PAX7: variants seen among roughly 807,000 people sequenced by gnomAD.
The protein encoded by PAX7 is paired box 7.
Under a neutral mutation model 50.7 loss-of-function variants are expected in PAX7, and 18 were observed. The ratio of observed to expected loss-of-function variants is 0.36; its 90% CI spans 0.25 to 0.53. The LOEUF (loss-of-function observed/expected upper bound fraction) is 0.53. PAX7 is among the 20% of genes least tolerant of loss of function. The pLI, the probability that PAX7 is intolerant of heterozygous loss-of-function variation, is 0.93. For synonymous variants in PAX7, 310 were observed against 290.4 expected (o/e 1.07, Z -0.69); for missense variants, 644 against 702.9 (o/e 0.92, Z 0.95).
chr1:18,672,335 T>C (rs563898436), intron 4 of PAX7, among the ~76,000 whole-genome samples: 74 of 152,140 alleles, frequency 4.9e-4, no homozygotes, highest in Non-Finnish European at 8.7e-4. Flanking sequence ...CCTTCCCCCA[T>C]CTCTTACAGA....
chr1:18,744,696 GGAT>G, intron 8 of PAX7, 115 bp from the exon 9 acceptor site: 1 of 379,658 alleles, frequency 2.6e-6, no homozygotes, highest in Non-Finnish European at 4.6e-6. Context: ...ATAAATGGAT[GGAT>G]GGATGGATGG....
chr1:18,651,807 C>A (rs2088435524), intron 4 of PAX7, among the ~76,000 whole-genome samples: 1 of 142,354 alleles, frequency 7.0e-6, no homozygotes, highest in Non-Finnish European at 1.5e-5. Context: ...CACCCCTCCC[C>A]CTCTCCCCTC....
Position 18,700,678 on chromosome 1 carries a change from G to A in PAX7, c.812G>A (p.Arg271His), listed in dbSNP as rs746781983. 1.1e-5 allele frequency: 18 copies of A among 1,581,052 alleles called. No individual in the cohort carries two copies. The highest frequency in any genetic ancestry group is 1.4e-5 in the African/African-American group (1 of 72,736). Residue 271 changes from arginine to histidine, a missense_variant, in exon 6 of 9, where the codon CGT (arginine) becomes CAT (histidine). Coordinates refer to ENST00000420770, the MANE Select transcript of PAX7 (RefSeq NM_001135254.2). This position sits in a 1 kb window ranked among gnomAD's most constrained non-coding sequence, Gnocchi z 4.8. ...GTCTGGTTCAGTAACCGCCGCGCCC[G>A]TTGGCGTAAGCAGGCAGGAGCCAAC... ...VQVWFSNRRA[R>H]WRKQAGANQL...
intron 8 of PAX7, among the ~76,000 whole-genome samples, chr1:18,740,662 TA>T (rs1931086103): frequency 6.6e-6 from 1 of 152,120 alleles, no homozygotes; most frequent in Non-Finnish European, 1.5e-5. Flanking sequence ...ATCAAAAGGA[TA>T]GGAATCAGTG....
At chr1:18,681,845 G>A (rs1276252478) in intron 4 of PAX7, among the ~76,000 whole-genome samples, 4 of 151,774 alleles carry the variant, frequency 2.6e-5, no homozygotes, top group East Asian at 1.9e-4. Flanking sequence ...TCTGCCTCAC[G>A]GGTTCAAGTG....
chr1:18,718,120 G>A (rs1373442678), intron 7 of PAX7, among the ~76,000 whole-genome samples: 1 of 152,224 alleles, frequency 6.6e-6, no homozygotes, highest in African/African-American at 2.4e-5. Flanking sequence ...CCTCCATGGG[G>A]GTGTCAGGGA....
chr1:18,694,822 G>A (rs2089129965), intron 5 of PAX7, among the ~76,000 whole-genome samples: 1 of 152,162 alleles, frequency 6.6e-6, no homozygotes, highest in African/African-American at 2.4e-5. Context: ...GACAATCAGG[G>A]ATGCTTTGTG....
At chr1:18,690,146 G>C (rs2089046225) in intron 4 of PAX7, among the ~76,000 whole-genome samples, 1 of 152,182 alleles carries the variant, frequency 6.6e-6, no homozygotes. Context: ...TGCATACCTA[G>C]CCTCTTCAGG....
chr1:18,667,751 T>C (rs1257785093), intron 4 of PAX7, among the ~76,000 whole-genome samples: 1 of 152,088 alleles, frequency 6.6e-6, no homozygotes, highest in Non-Finnish European at 1.5e-5. Flanking sequence ...ACCCAGGAAC[T>C]CTGGCCCACC....
At chr1:18,665,081 G>A (rs1474512561) in intron 4 of PAX7, among the ~76,000 whole-genome samples, 1 of 152,174 alleles carries the variant, frequency 6.6e-6, no homozygotes, top group African/African-American at 2.4e-5. Context: ...CCATTACAGG[G>A]TGGTTGAGTG....
At chr1:18,697,971 T>A (rs1356282789) in intron 5 of PAX7, among the ~76,000 whole-genome samples, 3 of 151,218 alleles carry the variant, frequency 2.0e-5, no homozygotes, top group Non-Finnish European at 2.9e-5. Flanking sequence ...AAGGTGGGAA[T>A]AAAGAAGGAA....
chr1:18,705,951 C>G (rs2089278165), intron 7 of PAX7, among the ~76,000 whole-genome samples: 1 of 152,160 alleles, frequency 6.6e-6, no homozygotes, highest in Admixed American at 6.5e-5. Flanking sequence ...AGGAGGTGAA[C>G]AGCTGCTGGA....
chr1:18,727,932 C>T (rs1283069278), intron 7 of PAX7, among the ~76,000 whole-genome samples: 2 of 151,886 alleles, frequency 1.3e-5, no homozygotes, highest in Non-Finnish European at 2.9e-5. Flanking sequence ...AGCTCCAAGT[C>T]AGCACCCGAA....
chr1:18,634,269 C>A lies in PAX7; in HGVS notation c.86-34C>A. The A allele has an allele frequency of 1.3e-6, 2 of 1,561,588 alleles. No individual in the cohort carries two copies. Among genetic ancestry groups the A allele is most frequent in the Non-Finnish European group, 1.8e-6 (2 of 1,137,744 alleles). ...TCTGCTCTCCATCCTCACCCTGCACCTCTCTCCTTCTGCATCTCCCCTCCC... is the reference window on the plus strand; with the variant it reads ...TCTGCTCTCCATCCTCACCCTGCACATCTCTCCTTCTGCATCTCCCCTCCC... On this transcript the variant is annotated intron_variant, in intron 1 of 8. Coordinates refer to ENST00000420770, the MANE Select transcript of PAX7 (RefSeq NM_001135254.2). The surrounding 1 kb of genome is among the most constrained non-coding windows in gnomAD (Gnocchi z 4.0).
chr1:18,637,846 G>T (rs569039037), intron 4 of PAX7, among the ~76,000 whole-genome samples: 4 of 152,232 alleles, frequency 2.6e-5, no homozygotes, highest in Admixed American at 2.0e-4. Context: ...GGAAGAAAGG[G>T]AGCCAGCTGT....
intron 4 of PAX7, among the ~76,000 whole-genome samples, chr1:18,652,174 G>A (rs925105569): frequency 3.3e-5 from 5 of 151,858 alleles, no homozygotes; most frequent in African/African-American, 4.8e-5. Context: ...GTGCAGAGCC[G>A]GTAGAGGGTG....
chr1:18,732,545 A>C lies in PAX7; in HGVS notation c.1156-3087A>C, dbSNP rs1469582006. Among the ~76,000 whole-genome samples the C allele has an allele frequency of 2.0e-5, 3 of 152,244 alleles. No homozygotes were observed. The East Asian group carries it at 5.8e-4, about 29-fold the overall frequency. The stretch of plus-strand genomic sequence containing the variant: ...TGCTTGTTGGACGAATACGTGAATG[A>C]ATGAAGGATATCTTCAAGAAATACC... On this transcript the variant is annotated intron_variant, in intron 7 of 8. Transcript: ENST00000420770.
In PAX7 at chr1:18,672,945, G is replaced by C. The variant is rs113439282; in HGVS notation, c.587-18809G>C. On this transcript the variant is annotated intron_variant, in intron 4 of 8. Coordinates refer to ENST00000420770, the MANE Select transcript of PAX7 (RefSeq NM_001135254.2). ...ATGAAGCCTCTATCGGGGCTATTTA[G>C]AGCAAGCACAGCACGGCGCTGATGC... Among the ~76,000 whole-genome samples, 1,259 of 152,224 alleles carry C rather than the reference G, an allele frequency of 8.3e-3. 24 individuals carry two copies. The highest frequency in any genetic ancestry group is 0.029 in the African/African-American group (1,198 of 41,550).
In PAX7 at chr1:18,631,191, G is replaced by T. The variant is rs1026276442; in HGVS notation, c.-413G>T. The T allele has an allele frequency of 8.3e-6, 2 of 240,494 alleles. No individual in the cohort carries two copies. The highest frequency in any genetic ancestry group is 1.6e-5 in the Non-Finnish European group (2 of 123,250). The allele number at this position is 240,494 out of a possible 1,614,324, so 14.9% of individuals were successfully genotyped here. A position where few individuals can be genotyped will look rare whatever the true frequency, so the allele number is the denominator to read the frequency against. On this transcript the variant is annotated 5_prime_UTR_variant, in exon 1 of 9. Transcript: ENST00000420770. ...GCCAGAGCGCGAGAGCGCGGCGCTC[G>T]CCACTCTGAGGCTGGCGGCCTCGAT...
Sources: gnomAD v4.1 joint callset for allele counts (sites outside exome capture counted in the v4.1 genomes callset) on GRCh38, gnomAD v4.1.1 for gene constraint, Gnocchi (gnomAD v3.1) non-coding constraint, MANE v1.5 for transcripts, NCBI Gene and HGNC (gene_info 2026-07-23, HGNC 2026-07-21) for gene names.